The following KIF3B variants were observed in gnomAD, a reference collection of about 807,000 sequenced individuals.
KIF3B encodes kinesin family member 3B.
Under a neutral mutation model 74.3 loss-of-function variants are expected in KIF3B, and 38 were observed. The ratio of observed to expected loss-of-function variants is 0.51; its 90% CI spans 0.39 to 0.67. KIF3B has a LOEUF of 0.67. KIF3B is among the 30% of genes least tolerant of loss of function. The pLI is 0.00. For synonymous variants in KIF3B, 326 were observed against 342.5 expected, an observed-to-expected ratio of 0.95 and a Z score of 0.53; for missense variants, 649 against 932.0, an observed-to-expected ratio of 0.70 and a Z score of 3.95.
intron 5 of KIF3B, 56 bp from the exon 6 acceptor site, chr20:32,326,715 C>T: frequency 1.3e-6 from 1 of 745,154 alleles, no homozygotes; most frequent in South Asian, 1.7e-5. Flanking sequence ...GACCAGATAG[C>T]TGACACTTCA....
At position 32,310,005 on chromosome 20, in the gene KIF3B, G is replaced by A. The variant is rs377463465; in HGVS notation, c.228G>A (p.Thr76=). 17 of 1,613,984 alleles carry A rather than the reference G, an allele frequency of 1.1e-5. No homozygotes were observed. In the African/African-American group the frequency reaches 1.1e-4, roughly 10 times the overall value. The part of the protein sequence containing the change: ...NAKQFELYDE[T]FRPLVDSVLQ... Reference sequence around the variant, plus strand: ...AGCAGTTTGAACTGTACGATGAGACGTTCCGACCACTTGTTGACTCTGTCC... The same window carrying A: ...AGCAGTTTGAACTGTACGATGAGACATTCCGACCACTTGTTGACTCTGTCC... The change falls in exon 2 of 9, where the codon ACG becomes ACA. Residue 76 remains threonine (T), a synonymous_variant. Transcript: ENST00000375712. The surrounding 1 kb of genome is among the most constrained non-coding windows in gnomAD (Gnocchi z 6.5).
intron 5 of KIF3B, among the ~76,000 whole-genome samples, chr20:32,325,388 C>G (rs1344342664): frequency 6.6e-6 from 1 of 151,940 alleles, no homozygotes; most frequent in African/African-American, 2.4e-5. Context: ...CAGGGTTTTG[C>G]CATGTTTATC....
At chr20:32,316,350 G>T (rs778932223) in intron 3 of KIF3B, 31 bp downstream of exon 3, 1 of 1,535,570 alleles carries the variant, frequency 6.5e-7, no homozygotes, top group Non-Finnish European at 9.0e-7. Context: ...AGGGAGAATG[G>T]GTGAGGTAAG....
At chr20:32,286,092 A>G (rs551654880) in intron 1 of KIF3B, among the ~76,000 whole-genome samples, 3 of 152,324 alleles carry the variant, frequency 2.0e-5, no homozygotes, top group Admixed American at 6.5e-5. Context: ...TTGGCAAGAC[A>G]TTTGCAGCAC....
At chr20:32,312,910 C>T (rs2047808426) in intron 2 of KIF3B, among the ~76,000 whole-genome samples, 1 of 152,282 alleles carries the variant, frequency 6.6e-6, no homozygotes, top group Non-Finnish European at 1.5e-5. Flanking sequence ...CTGGATGCCC[C>T]GCATCCTTAC....
chr20:32,332,651 G>T lies in KIF3B; in HGVS notation c.*1332G>T, dbSNP rs1274584737. The T allele has an allele frequency of 6.6e-6, 1 of 152,222 alleles. No individual in the cohort carries two copies. The highest frequency in any genetic ancestry group is 2.4e-5 in the African/African-American group (1 of 41,444). 9.4% of individuals were successfully genotyped at this position (152,222 alleles called of 1,614,324 possible). ...GAATATTACTCATTTTCCCTCAAGA[G>T]AAGCTCATAAGTGTGTGTGGGTGTG... On this transcript the variant is annotated 3_prime_UTR_variant, in exon 9 of 9. Coordinates refer to ENST00000375712, the MANE Select transcript of KIF3B (RefSeq NM_004798.4).
intron 1 of KIF3B, among the ~76,000 whole-genome samples, chr20:32,308,768 C>T (rs182448074): frequency 1.4e-3 from 214 of 150,152 alleles, no homozygotes; most frequent in African/African-American, 5.0e-3. Flanking sequence ...CTTTGTCACC[C>T]AGGCTGGAGC....
intron 7 of KIF3B, among the ~76,000 whole-genome samples, chr20:32,328,250 C>G (rs767460478): frequency 9.9e-5 from 15 of 152,048 alleles, no homozygotes; most frequent in Non-Finnish European, 2.2e-4. Flanking sequence ...GTGGTGAAAC[C>G]CCATCTCTAC....
chr20:32,317,152 G>A (rs904664461), intron 5 of KIF3B, among the ~76,000 whole-genome samples: 11 of 152,120 alleles, frequency 7.2e-5, no homozygotes, highest in African/African-American at 2.7e-4. Context: ...TAGGAGAATC[G>A]CTTGAACCCG....
At chr20:32,314,125 C>A (rs934246363) in intron 2 of KIF3B, among the ~76,000 whole-genome samples, 1 of 152,206 alleles carries the variant, frequency 6.6e-6, no homozygotes, top group East Asian at 1.9e-4. Flanking sequence ...GTTGAACTCT[C>A]AGAGGCTGAG....
At chr20:32,330,598 G>A (rs1020000433) in intron 8 of KIF3B, among the ~76,000 whole-genome samples, 5 of 152,164 alleles carry the variant, frequency 3.3e-5, no homozygotes, top group African/African-American at 7.2e-5. Flanking sequence ...TGAGGTGTCC[G>A]GTAGTTCTAA....
intron 1 of KIF3B, among the ~76,000 whole-genome samples, chr20:32,307,918 CAA>C (rs574709198): frequency 5.7e-4 from 30 of 52,712 alleles, no homozygotes; most frequent in East Asian, 1.1e-3. Context: ...GACTCTGTCT[CAA>C]AAAAAAAAAA....
chr20:32,334,159 CTG>C lies in KIF3B; in HGVS notation c.*2844_*2845del, dbSNP rs2047944363. ...GACCATCAGGAGAAGGAGTTTGAGA[CTG>C]TGTATGCAACCCCCAATAGACCCCC... On this transcript the variant is annotated 3_prime_UTR_variant, in exon 9 of 9. Transcript: ENST00000375712. 1 of 152,676 alleles carries C rather than the reference CTG, an allele frequency of 6.5e-6. No individual in the cohort carries two copies. The highest frequency in any genetic ancestry group is 1.9e-4 in the East Asian group (1 of 5,190). 9.5% of individuals were successfully genotyped at this position (152,676 alleles called of 1,614,324 possible).
chr20:32,318,497 T>C (rs777350657), intron 5 of KIF3B, among the ~76,000 whole-genome samples: 1 of 152,192 alleles, frequency 6.6e-6, no homozygotes, highest in Non-Finnish European at 1.5e-5. Context: ...ATCACTAATC[T>C]GCTTCCTGTC....
At chr20:32,305,408 T>TG (rs932755144) in intron 1 of KIF3B, among the ~76,000 whole-genome samples, 15 of 152,084 alleles carry the variant, frequency 9.9e-5, no homozygotes, top group Middle Eastern at 3.4e-3. Context: ...TATAGGAGTT[T>TG]GGGGTCCTCA....
chr20:32,283,430 G>C (rs1000933765), intron 1 of KIF3B, among the ~76,000 whole-genome samples: 1 of 152,048 alleles, frequency 6.6e-6, no homozygotes, highest in Admixed American at 6.6e-5. Context: ...CTTGAACCCG[G>C]GAGGTGGTGG....
chr20:32,289,238 A>C (rs1368311946), intron 1 of KIF3B, among the ~76,000 whole-genome samples: 2 of 136,032 alleles, frequency 1.5e-5, no homozygotes, highest in Admixed American at 8.4e-5. Context: ...TCAGTCACCC[A>C]GGCTGGAGTG....
intron 1 of KIF3B, among the ~76,000 whole-genome samples, chr20:32,303,313 C>G (rs760895500): frequency 6.6e-6 from 1 of 152,048 alleles, no homozygotes; most frequent in Non-Finnish European, 1.5e-5. Flanking sequence ...GCCTGTAATC[C>G]CAGCACTTTG....
Position 32,331,555 on chromosome 20 carries a change from A to C in KIF3B, c.*236A>C. 1.9e-6 allele frequency: 1 copy of C among 521,932 alleles called. No individual in the cohort carries two copies. Among genetic ancestry groups the C allele is most frequent in the South Asian group, 2.6e-5 (1 of 37,958 alleles). 32.3% of individuals were successfully genotyped at this position (521,932 alleles called of 1,614,324 possible). A position where few individuals can be genotyped will look rare whatever the true frequency, so the allele number is the denominator to read the frequency against. ...ATCTCAGAAATGCATGGGTAAGGTA[A>C]AGTGCGATAGTTCAAGTGGAAAGCA... is the stretch of plus-strand genomic sequence containing the variant. On this transcript the variant is annotated 3_prime_UTR_variant, in exon 9 of 9. Transcript: ENST00000375712.
Sources: allele counts gnomAD v4.1 joint callset (sites outside exome capture counted in the v4.1 genomes callset), GRCh38; gene constraint gnomAD v4.1.1; non-coding constraint Gnocchi (gnomAD v3.1); transcripts MANE v1.5; gene names NCBI Gene and HGNC (gene_info 2026-07-23, HGNC 2026-07-21).